The following NCOA1 variants were observed in gnomAD, a reference collection of about 807,000 sequenced individuals.
NCOA1 encodes Hin-2 protein.
In NCOA1, 35 loss-of-function variants were observed where a neutral mutation model predicts 150.9. The observed-to-expected ratio is 0.23, with a 90% confidence interval of 0.18 to 0.31. NCOA1 has a LOEUF of 0.31. NCOA1 is among the 10% of genes least tolerant of loss of function. The pLI, the probability that NCOA1 is intolerant of heterozygous loss-of-function variation, is 1.00. For synonymous variants in NCOA1, 590 were observed against 630.0 expected, an observed-to-expected ratio of 0.94 and a Z score of 0.95; for missense variants, 1,491 against 1,749.3, an observed-to-expected ratio of 0.85 and a Z score of 2.63.
intron 6 of NCOA1, among the ~76,000 whole-genome samples, chr2:24,668,066 C>T (rs1328085026): frequency 1.3e-5 from 2 of 152,122 alleles, no homozygotes; most frequent in Non-Finnish European, 2.9e-5. Flanking sequence ...CACTTGGCTA[C>T]ATAGTAGGCT....
chr2:24,545,988 C>T (rs1464933207), intron 1 of NCOA1, among the ~76,000 whole-genome samples: 1 of 152,040 alleles, frequency 6.6e-6, no homozygotes, highest in Non-Finnish European at 1.5e-5. Flanking sequence ...GGGGTTTCAC[C>T]ATGTTGGCCA....
At chr2:24,673,870 C>T (rs977338209) in intron 7 of NCOA1, among the ~76,000 whole-genome samples, 1 of 152,124 alleles carries the variant, frequency 6.6e-6, no homozygotes, top group Non-Finnish European at 1.5e-5. Context: ...TGATTTTCTG[C>T]AGTTTTCTGA....
chr2:24,547,532 T>C (rs973105681), intron 1 of NCOA1, among the ~76,000 whole-genome samples: 5 of 152,234 alleles, frequency 3.3e-5, no homozygotes, highest in African/African-American at 1.2e-4. Context: ...GAGCACAGTT[T>C]AGCAAAGACT....
intron 3 of NCOA1, among the ~76,000 whole-genome samples, chr2:24,638,502 A>C (rs1477379589): frequency 6.6e-6 from 1 of 152,132 alleles, no homozygotes; most frequent in Non-Finnish European, 1.5e-5. Context: ...AATGCCAAGT[A>C]GTAGGATTGC....
intron 5 of NCOA1, 64 bp from the exon 6 acceptor site, chr2:24,665,685 C>G (rs1671386715): frequency 2.4e-6 from 3 of 1,254,216 alleles, no homozygotes; most frequent in Non-Finnish European, 2.1e-6. Context: ...AGCATAGATA[C>G]TTGATCAGAG....
At chr2:24,545,838 G>T (rs1311186652) in intron 1 of NCOA1, among the ~76,000 whole-genome samples, 1 of 152,166 alleles carries the variant, frequency 6.6e-6, no homozygotes, top group African/African-American at 2.4e-5. Flanking sequence ...TCTTGCCCAG[G>T]TTGGAGTGCA....
At chr2:24,593,110 A>G (rs577311274) in intron 3 of NCOA1, among the ~76,000 whole-genome samples, 2 of 152,294 alleles carry the variant, frequency 1.3e-5, no homozygotes, top group East Asian at 3.9e-4. Context: ...TTTATTTGTC[A>G]GGATCAAGAA....
chr2:24,570,495 A>G (rs1003875757), intron 2 of NCOA1, among the ~76,000 whole-genome samples: 2 of 152,220 alleles, frequency 1.3e-5, no homozygotes, highest in African/African-American at 2.4e-5. Flanking sequence ...AGAGTATGCT[A>G]AGGAGCCAAC....
At chr2:24,590,537 A>G (rs1413042904) in intron 3 of NCOA1, among the ~76,000 whole-genome samples, 1 of 152,182 alleles carries the variant, frequency 6.6e-6, no homozygotes, top group Non-Finnish European at 1.5e-5. Flanking sequence ...AAATTTTGAA[A>G]TGTGGATTTA....
At chr2:24,640,802 C>T (rs527248831) in intron 3 of NCOA1, among the ~76,000 whole-genome samples, 1 of 152,138 alleles carries the variant, frequency 6.6e-6, no homozygotes, top group East Asian at 1.9e-4. Flanking sequence ...ATATTCTTTT[C>T]CATTTTTTAA....
chr2:24,681,447 C>T (rs1054816070), intron 7 of NCOA1, among the ~76,000 whole-genome samples: 5 of 152,166 alleles, frequency 3.3e-5, no homozygotes, highest in Non-Finnish European at 5.9e-5. Flanking sequence ...ATAAATTATA[C>T]AAGCTATTCA....
chr2:24,618,323 C>G (rs140440453), intron 3 of NCOA1, among the ~76,000 whole-genome samples: 1 of 152,184 alleles, frequency 6.6e-6, no homozygotes, highest in East Asian at 1.9e-4. Context: ...GCTCAGCTGC[C>G]AAGCTCCCTT....
chr2:24,499,615 C>T (rs1378604079), intron 1 of NCOA1, among the ~76,000 whole-genome samples: 1 of 151,792 alleles, frequency 6.6e-6, no homozygotes, highest in Admixed American at 6.6e-5. Flanking sequence ...CTTGTTTGTT[C>T]GGTGTAAAAA....
At chr2:24,760,342 A>G (rs186867363) in intron 21 of NCOA1, among the ~76,000 whole-genome samples, 10 of 114,002 alleles carry the variant, frequency 8.8e-5, no homozygotes, top group African/African-American at 3.4e-4. Context: ...TATTTTTGGT[A>G]GAGATGGGGT....
intron 7 of NCOA1, among the ~76,000 whole-genome samples, chr2:24,680,133 T>C (rs1328623685): frequency 7.9e-5 from 12 of 152,194 alleles, no homozygotes; most frequent in Admixed American, 6.5e-5. Context: ...AGACATCTCT[T>C]TGACATACTG....
At chr2:24,746,930 A>G (rs560324806) in intron 19 of NCOA1, among the ~76,000 whole-genome samples, 1 of 152,358 alleles carries the variant, frequency 6.6e-6, no homozygotes, top group African/African-American at 2.4e-5. Flanking sequence ...CTTCATTTAC[A>G]TAATTTTACC....
intron 11 of NCOA1, among the ~76,000 whole-genome samples, chr2:24,701,415 G>A (rs1673152338): frequency 6.6e-6 from 1 of 151,146 alleles, no homozygotes; most frequent in Admixed American, 6.6e-5. Flanking sequence ...GCTGAGATGA[G>A]AGAATTGCTT....
At chr2:24,671,976 ATATG>A (rs1671705435) in intron 6 of NCOA1, among the ~76,000 whole-genome samples, 1 of 152,196 alleles carries the variant, frequency 6.6e-6, no homozygotes, top group Non-Finnish European at 1.5e-5. Context: ...GAAAAAATCT[ATATG>A]TATTCAGCAC....
chr2:24,707,038 G>A lies in NCOA1; in HGVS notation c.1568G>A (p.Ser523Asn). 1 of 1,614,190 alleles carries A rather than the reference G, an allele frequency of 6.2e-7. No individual in the cohort carries two copies. The highest frequency in any genetic ancestry group is 8.5e-7 in the Non-Finnish European group (1 of 1,180,028). Residue 523 changes from serine to asparagine, a missense_variant, in exon 13 of 23, where the codon AGT (serine) becomes AAT (asparagine). Ser to Asn is a conservative substitution (Grantham distance 46, BLOSUM62 1). Around this residue, in one of 8 missense-constraint regions of NCOA1, gnomAD observed 703 missense variants for 717.7 expected, o/e 0.98. Transcript: ENST00000348332. ...TTAAGCTCTCCCGTTGGCATGACAA[G>A]TAGTGCCTGTAATAATAATAACCGA... ...STLSSPVGMT[S>N]SACNNNNRSY...
Sources: gnomAD v4.1 joint callset for allele counts (sites outside exome capture counted in the v4.1 genomes callset) on GRCh38, gnomAD v4.1.1 for gene constraint, gnomAD v4.1.1 regional missense constraint, MANE v1.5 for transcripts, NCBI Gene and HGNC (gene_info 2026-07-23, HGNC 2026-07-21) for gene names.